The following INPP4B variants were observed in gnomAD, a reference collection of about 807,000 sequenced individuals.
INPP4B encodes the protein inositol polyphosphate-4-phosphatase type II B.
A neutral mutation model predicts 122.5 loss-of-function variants in INPP4B; 55 were observed. The ratio of observed to expected loss-of-function variants is 0.45; its 90% CI spans 0.36 to 0.56. INPP4B has a LOEUF of 0.56. Ranked by LOEUF, INPP4B falls within the 20% of genes least tolerant of loss-of-function variation. INPP4B has a pLI of 0.00. For synonymous variants in INPP4B, 403 were observed against 388.7 expected, an observed-to-expected ratio of 1.04 and a Z score of -0.43; for missense variants, 1,000 against 1,097.7, an observed-to-expected ratio of 0.91 and a Z score of 1.26.
intron 1 of INPP4B, among the ~76,000 whole-genome samples, chr4:142,824,314 A>ATCTATCTATCTATCTATCTATCTCTATC (rs70949192): frequency 7.3e-5 from 11 of 150,738 alleles, no homozygotes; most frequent in African/African-American, 2.7e-4. Context: ...CTGTCTATCT[A>ATCTATCTATCTATCTATCTATCTCTATC]TCTATCTCTA....
At chr4:142,432,617 G>C (rs1257951567) in intron 3 of INPP4B, among the ~76,000 whole-genome samples, 1 of 152,038 alleles carries the variant, frequency 6.6e-6, no homozygotes, top group Non-Finnish European at 1.5e-5. Flanking sequence ...AAATTTAGAA[G>C]TCTTTTCTGA....
intron 23 of INPP4B, among the ~76,000 whole-genome samples, chr4:142,099,954 T>C (rs546904078): frequency 6.6e-6 from 1 of 152,196 alleles, no homozygotes; most frequent in South Asian, 2.1e-4. Context: ...AAGCAAGTGG[T>C]TCTCAGGTCT....
chr4:142,241,790 G>A (rs1485390325), intron 11 of INPP4B, among the ~76,000 whole-genome samples: 2 of 152,088 alleles, frequency 1.3e-5, no homozygotes, highest in African/African-American at 2.4e-5. Context: ...AGAAATTTTG[G>A]AAATACAGAT....
At chr4:142,414,728 C>T (rs1168940210) in intron 5 of INPP4B, among the ~76,000 whole-genome samples, 1 of 152,120 alleles carries the variant, frequency 6.6e-6, no homozygotes, top group Non-Finnish European at 1.5e-5. Flanking sequence ...AAGTCTGTGC[C>T]CGCATCTTTT....
intron 12 of INPP4B, among the ~76,000 whole-genome samples, chr4:142,226,597 T>C (rs1231532665): frequency 2.6e-5 from 4 of 152,176 alleles, no homozygotes; most frequent in Non-Finnish European, 4.4e-5. Flanking sequence ...TAAATATGCA[T>C]TTTATAACAT....
chr4:142,623,289 T>G (rs1323803171), intron 2 of INPP4B, among the ~76,000 whole-genome samples: 2 of 151,970 alleles, frequency 1.3e-5, no homozygotes, highest in African/African-American at 4.8e-5. Context: ...GAAAACAAAG[T>G]GCATTTGCTG....
At chr4:142,058,173 A>G (rs187890077) in intron 25 of INPP4B, among the ~76,000 whole-genome samples, 12 of 152,270 alleles carry the variant, frequency 7.9e-5, no homozygotes, top group Non-Finnish European at 1.2e-4. Flanking sequence ...GGGCCATGCA[A>G]ATCCTAGTTA....
chr4:142,055,813 C>CTGGG (rs776392462), intron 25 of INPP4B, among the ~76,000 whole-genome samples: 35 of 151,708 alleles, frequency 2.3e-4, no homozygotes, highest in Non-Finnish European at 4.1e-4. Context: ...TTCCACTGAC[C>CTGGG]TGGGGGTGGG....
In INPP4B at chr4:142,112,702, A is replaced by C. The variant is rs778583788; in HGVS notation, c.2136-20T>G. 6.3e-7 allele frequency: 1 copy of C among 1,593,000 alleles called. No homozygotes were observed. Among genetic ancestry groups the C allele is most frequent in the South Asian group, 1.2e-5 (1 of 86,598 alleles). On this transcript the variant is annotated intron_variant, in intron 21 of 25. Coordinates refer to ENST00000262992, the MANE Select transcript of INPP4B (RefSeq NM_001101669.3). ...TGTTCTCTAAAGAAGGCAGAGGACA[A>C]AGGGAAGAAACATTACTTATTTGTT... is the stretch of plus-strand genomic sequence containing the variant.
chr4:142,264,714 A>T (rs1741931274), intron 10 of INPP4B, among the ~76,000 whole-genome samples: 1 of 152,214 alleles, frequency 6.6e-6, no homozygotes, highest in Non-Finnish European at 1.5e-5. Context: ...AAGACTCAAG[A>T]TTAAAATGTA....
At chr4:142,632,622 AAAT>A (rs1444785569) in intron 2 of INPP4B, among the ~76,000 whole-genome samples, 56 of 152,254 alleles carry the variant, frequency 3.7e-4, no homozygotes, top group Admixed American at 6.5e-5. Context: ...TATAAAATAC[AAAT>A]AATAACTTTT....
At chr4:142,333,844 T>C (rs1330278725) in intron 7 of INPP4B, among the ~76,000 whole-genome samples, 3 of 152,194 alleles carry the variant, frequency 2.0e-5, no homozygotes, top group Non-Finnish European at 4.4e-5. Context: ...ATTTAACCTG[T>C]CCATCACCTT....
intron 19 of INPP4B, 102 bp from the exon 20 acceptor site, chr4:142,123,517 G>T: frequency 9.2e-7 from 1 of 1,082,314 alleles, no homozygotes; most frequent in South Asian, 1.6e-5. Flanking sequence ...TCGATTATCA[G>T]GTATGTATAA....
At chr4:142,684,979 T>A (rs1418538653) in intron 2 of INPP4B, among the ~76,000 whole-genome samples, 1 of 152,062 alleles carries the variant, frequency 6.6e-6, no homozygotes, top group African/African-American at 2.4e-5. Context: ...AAAGAACATA[T>A]GTGTGACTTT....
intron 1 of INPP4B, among the ~76,000 whole-genome samples, chr4:142,815,273 G>A (rs999854907): frequency 6.6e-6 from 1 of 152,100 alleles, no homozygotes; most frequent in Non-Finnish European, 1.5e-5. Flanking sequence ...ATAACGTGAT[G>A]TACTGGCATT....
At chr4:142,274,004 G>A (rs1268608211) in intron 9 of INPP4B, among the ~76,000 whole-genome samples, 1 of 151,796 alleles carries the variant, frequency 6.6e-6, no homozygotes, top group African/African-American at 2.4e-5. Flanking sequence ...TCAATTAGGA[G>A]AGTCACAAAT....
At chr4:142,444,022 A>G (rs1053177695) in intron 3 of INPP4B, among the ~76,000 whole-genome samples, 1 of 152,208 alleles carries the variant, frequency 6.6e-6, no homozygotes, top group Non-Finnish European at 1.5e-5. Context: ...ACTCTAGTGG[A>G]AAAAGTGGAG....
intron 1 of INPP4B, among the ~76,000 whole-genome samples, chr4:142,841,599 TAA>T (rs1414569861): frequency 6.6e-6 from 1 of 152,014 alleles, no homozygotes; most frequent in East Asian, 1.9e-4. Flanking sequence ...TAAAAAATAT[TAA>T]GAGGATTCCT....
intron 25 of INPP4B, among the ~76,000 whole-genome samples, chr4:142,046,356 G>A (rs989309658): frequency 1.4e-4 from 21 of 152,114 alleles, no homozygotes; most frequent in Admixed American, 7.2e-4. Context: ...AGTGATGAGA[G>A]CACCAGAAGT....
Sources: gnomAD v4.1 joint callset for allele counts (sites outside exome capture counted in the v4.1 genomes callset) on GRCh38, gnomAD v4.1.1 for gene constraint, MANE v1.5 for transcripts, NCBI Gene and HGNC (gene_info 2026-07-23, HGNC 2026-07-21) for gene names.